Variants in ANO5 observed in about 807,000 individuals in gnomAD.
ANO5 encodes the protein anoctamin-5.
A neutral mutation model predicts 121.0 loss-of-function variants in ANO5; 109 were observed. That is an observed-to-expected ratio of 0.90 (90% CI 0.77 to 1.06). The LOEUF (loss-of-function observed/expected upper bound fraction) is 1.06, where lower values mean the gene tolerates loss of function less well. ANO5 is among the 50% of genes least tolerant of loss of function. The probability of loss-of-function intolerance (pLI) is 0.00; values close to 1 mark genes in which losing one functional copy is unlikely to be tolerated. For missense variants in ANO5, 1,064 were observed against 1,078.5 expected, an observed-to-expected ratio of 0.99 and a Z score of 0.19; for synonymous variants, 406 against 359.9, an observed-to-expected ratio of 1.13 and a Z score of -1.45.
chr11:22,244,176 G>A (rs1399384752), intron 9 of ANO5, among the ~76,000 whole-genome samples: 2 of 152,068 alleles, frequency 1.3e-5, no homozygotes, highest in Non-Finnish European at 2.9e-5. Context: ...TTAGTTTGAT[G>A]AGATATGAAA....
intron 21 of ANO5, among the ~76,000 whole-genome samples, chr11:22,279,055 G>A (rs1043224796): frequency 5.9e-5 from 9 of 151,770 alleles, no homozygotes; most frequent in Non-Finnish European, 1.2e-4. Flanking sequence ...AAATTCAAGT[G>A]CTCCTTATGC....
Position 22,280,111 on chromosome 11 carries a change from A to T in ANO5, c.*346A>T, listed in dbSNP as rs1231774770. 4.3e-6 allele frequency: 1 copy of T among 229,924 alleles called. No individual in the cohort carries two copies. The highest frequency in any genetic ancestry group is 8.5e-6 in the Non-Finnish European group (1 of 117,060). 14.2% of individuals were successfully genotyped at this position (229,924 alleles called of 1,614,324 possible). A position where few individuals can be genotyped will look rare whatever the true frequency, so the allele number is the denominator to read the frequency against. On this transcript the variant is annotated 3_prime_UTR_variant, in exon 22 of 22. Transcript: ENST00000324559. ...GGGCTGTCCCATCACTTTCCAGTGC[A>T]TCTATTTATTTTTGTGGTCTTCTCT...
intron 9 of ANO5, among the ~76,000 whole-genome samples, chr11:22,242,654 T>C (rs1212869377): frequency 3.9e-5 from 6 of 152,094 alleles, no homozygotes; most frequent in African/African-American, 7.2e-5. Flanking sequence ...TTTGTGGCTA[T>C]TGAAAATGGG....
At chr11:22,235,783 G>C (rs1853194053) in intron 7 of ANO5, among the ~76,000 whole-genome samples, 1 of 152,118 alleles carries the variant, frequency 6.6e-6, no homozygotes, top group African/African-American at 2.4e-5. Context: ...AGACAGCTTG[G>C]ATAAATATCA....
Position 22,259,542 on chromosome 11 carries a change from G to A in ANO5, c.1431G>A (p.Met477Ile), listed in dbSNP as rs751672368. The A allele has an allele frequency of 6.2e-7, 1 of 1,614,076 alleles. No homozygotes were observed. Among genetic ancestry groups the A allele is most frequent in the Admixed American group, 1.7e-5 (1 of 60,016 alleles). The change falls in exon 15 of 22, where the codon ATG becomes ATA. Residue 477 changes from methionine (M) to isoleucine (I), a missense_variant. Physicochemically the swap from Met to Ile is conservative, Grantham distance 10 (BLOSUM62 1). Transcript: ENST00000324559. ...AGATGTCTCTTGTCGTCACCAGTATGGTAGCTGTAATTGTGTACCGCCTGT... is the reference window on the plus strand; with the variant it reads ...AGATGTCTCTTGTCGTCACCAGTATAGTAGCTGTAATTGTGTACCGCCTGT... ...TLWMSLVVTSMVAVIVYRLSV... is the reference protein window; with the variant it reads ...TLWMSLVVTSIVAVIVYRLSV...
At chr11:22,226,638 T>C (rs185142301) in intron 6 of ANO5, among the ~76,000 whole-genome samples, 17 of 152,188 alleles carry the variant, frequency 1.1e-4, no homozygotes, top group Middle Eastern at 6.8e-3. Context: ...AGCAGGAGGA[T>C]TGCTGGAGCC....
At chr11:22,210,844 C>T (rs1852254586) in intron 2 of ANO5, among the ~76,000 whole-genome samples, 1 of 151,898 alleles carries the variant, frequency 6.6e-6, no homozygotes, top group Non-Finnish European at 1.5e-5. Context: ...GTAAAATAGC[C>T]AATTAATTCT....
In ANO5 at chr11:22,268,564, A is replaced by G. The variant is rs116160723; in HGVS notation, c.1899-1748A>G. ...GGTTTTCTATTCAGACAATCACATC[A>G]CTGTTAATAATCACAGATTTCTCCT... is the stretch of plus-strand genomic sequence containing the variant. On this transcript the variant is annotated intron_variant, in intron 17 of 21. Coordinates refer to ENST00000324559, the MANE Select transcript of ANO5 (RefSeq NM_213599.3). Among the ~76,000 whole-genome samples, 1,425 of 152,318 alleles carry G rather than the reference A, an allele frequency of 9.4e-3. 22 individuals are homozygous for G. Among genetic ancestry groups the G allele is most frequent in the African/African-American group, 0.033 (1,351 of 41,566 alleles).
chr11:22,246,856 C>CAAAAAAAAAAAAAAAAAAAAAAAAAAAAA (rs10565920), intron 9 of ANO5, among the ~76,000 whole-genome samples: 1 of 62,212 alleles, frequency 1.6e-5, no homozygotes, highest in Non-Finnish European at 3.5e-5. Flanking sequence ...GACCCTGTTT[C>CAAAAAAAAAAAAAAAAAAAAAAAAAAAAA]AAAAAAAAAA....
chr11:22,209,038 A>T (rs1329516993), intron 2 of ANO5, among the ~76,000 whole-genome samples: 1 of 152,012 alleles, frequency 6.6e-6, no homozygotes, highest in Non-Finnish European at 1.5e-5. Flanking sequence ...TTTATCCAGT[A>T]ACAAATTTAT....
chr11:22,239,003 A>G (rs1041982337), intron 8 of ANO5, among the ~76,000 whole-genome samples: 2 of 152,168 alleles, frequency 1.3e-5, no homozygotes, highest in African/African-American at 4.8e-5. Flanking sequence ...AAAAGATATT[A>G]ATAATATTAG....
intron 5 of ANO5, among the ~76,000 whole-genome samples, chr11:22,221,721 A>G (rs1852658800): frequency 6.6e-6 from 1 of 151,934 alleles, no homozygotes; most frequent in Non-Finnish European, 1.5e-5. Flanking sequence ...TGTCTTGTTC[A>G]CCGTTATGTA....
At chr11:22,205,302 A>G (rs10741930) in intron 2 of ANO5, among the ~76,000 whole-genome samples, 63,491 of 151,854 alleles carry the variant, frequency 0.42, 15,439 homozygotes, top group Non-Finnish European at 0.56. Context: ...CACATGACAT[A>G]AGTTTATGTA....
At chr11:22,257,074 TTTTTTTTTG>T (rs1239974121) in intron 13 of ANO5, among the ~76,000 whole-genome samples, 1 of 5,646 alleles carries the variant, frequency 1.8e-4, no homozygotes, top group African/African-American at 6.4e-3. Flanking sequence ...CTGACAGCGT[TTTTTTTTTG>T]TTTGTTTGTT....
rs548233334 is a variant in ANO5, at chr11:22,274,835, TA to T, written c.2414+91del. The T allele has an allele frequency of 1.5e-3, 2,206 of 1,483,732 alleles. 11 individuals carry two copies. In the African/African-American group the frequency reaches 0.024, roughly 16 times the overall value. 91.9% of individuals were successfully genotyped at this position (1,483,732 alleles called of 1,614,324 possible). A position where few individuals can be genotyped will look rare whatever the true frequency, so the allele number is the denominator to read the frequency against. Reference sequence around the variant, plus strand: ...TCTATTACCTTTCTGTCTTACAATATAAAGGATTTTCTTAGGGCAACAAAAA... The same window carrying T: ...TCTATTACCTTTCTGTCTTACAATATAAGGATTTTCTTAGGGCAACAAAAA... On this transcript the variant is annotated intron_variant, in intron 20 of 21. Coordinates refer to ENST00000324559, the MANE Select transcript of ANO5 (RefSeq NM_213599.3).
Position 22,255,565 on chromosome 11 carries a change from C to T in ANO5, c.1332+43C>T, listed in dbSNP as rs1197945193. 3 of 1,601,260 alleles carry T rather than the reference C, an allele frequency of 1.9e-6. No homozygotes were observed. In the South Asian group the frequency reaches 3.3e-5, roughly 18 times the overall value. ...GAAACGGACAGCATATCTCAATGGA[C>T]ACACTGCTATAGGTTTCTTCTCATA... On this transcript the variant is annotated intron_variant, in intron 13 of 21. Transcript: ENST00000324559.
chr11:22,230,542 T>C (rs988086300), intron 7 of ANO5, among the ~76,000 whole-genome samples: 1 of 152,036 alleles, frequency 6.6e-6, no homozygotes, highest in African/African-American at 2.4e-5. Context: ...TAAATTTCAG[T>C]TTGTAAAATG....
intron 19 of ANO5, 22 bp from the exon 20 acceptor site, chr11:22,274,547 T>C: frequency 6.5e-7 from 1 of 1,545,762 alleles, no homozygotes; most frequent in South Asian, 1.2e-5. Flanking sequence ...ATGATCTTCC[T>C]CTTTTTTTTT....
chr11:22,231,570 A>G (rs752034039), intron 7 of ANO5, among the ~76,000 whole-genome samples: 2 of 151,878 alleles, frequency 1.3e-5, no homozygotes, highest in Non-Finnish European at 2.9e-5. Flanking sequence ...ATTCTATAGT[A>G]TAGATATAAT....
Sources: allele counts gnomAD v4.1 joint callset (sites outside exome capture counted in the v4.1 genomes callset), GRCh38; gene constraint gnomAD v4.1.1; transcripts MANE v1.5; gene names NCBI Gene and HGNC (gene_info 2026-07-23, HGNC 2026-07-21).